KCNIP4: variants seen among roughly 807,000 people sequenced by gnomAD.
KCNIP4 encodes the protein Kv channel-interacting protein 4.
A neutral mutation model predicts 34.0 loss-of-function variants in KCNIP4; 12 were observed. The observed-to-expected ratio is 0.35, with a 90% confidence interval of 0.23 to 0.57. The LOEUF is 0.57. Among genes scored for constraint, KCNIP4 ranks in the 20% least tolerant of loss-of-function variants. The pLI is 0.83. For synonymous variants in KCNIP4, 124 were observed against 102.2 expected (o/e 1.21, Z -1.29); for missense variants, 238 against 311.7 (o/e 0.76, Z 1.78).
At chr4:21,720,521 GT>G (rs1167125424) in intron 1 of KCNIP4, among the ~76,000 whole-genome samples, 3 of 111,032 alleles carry the variant, frequency 2.7e-5, no homozygotes, top group African/African-American at 8.6e-5. Context: ...CCCCCATTCT[GT>G]TTTTTTTCTT....
intron 1 of KCNIP4, among the ~76,000 whole-genome samples, chr4:21,940,011 A>G (rs1730113748): frequency 6.6e-6 from 1 of 152,182 alleles, no homozygotes; most frequent in Non-Finnish European, 1.5e-5. Context: ...AAGAGACCTG[A>G]GCATTTTCAA....
chr4:21,799,544 A>T (rs1040055591), intron 1 of KCNIP4, among the ~76,000 whole-genome samples: 1 of 152,176 alleles, frequency 6.6e-6, no homozygotes, highest in Non-Finnish European at 1.5e-5. Context: ...GCACTCACTA[A>T]AATATTAATA....
chr4:21,340,017 A>G (rs1326370661), intron 1 of KCNIP4, among the ~76,000 whole-genome samples: 1 of 152,112 alleles, frequency 6.6e-6, no homozygotes, highest in African/African-American at 2.4e-5. Flanking sequence ...TATCTTTGTA[A>G]GGTGACTTAT....
chr4:21,413,885 C>A (rs1033875004), intron 1 of KCNIP4, among the ~76,000 whole-genome samples: 2 of 152,166 alleles, frequency 1.3e-5, no homozygotes, highest in Non-Finnish European at 2.9e-5. Context: ...AGTCTTTCCC[C>A]CAAACCACTT....
At chr4:21,219,277 C>T (rs1757822727) in intron 1 of KCNIP4, among the ~76,000 whole-genome samples, 1 of 152,122 alleles carries the variant, frequency 6.6e-6, no homozygotes, top group African/African-American at 2.4e-5. Context: ...GGGATAAACC[C>T]TTCCTGCAAG....
chr4:20,746,855 G>A (rs919126207), intron 5 of KCNIP4, among the ~76,000 whole-genome samples: 8 of 152,038 alleles, frequency 5.3e-5, no homozygotes, highest in African/African-American at 1.2e-4. Context: ...ACCCTTTATC[G>A]TAGAATCAGA....
intron 1 of KCNIP4, among the ~76,000 whole-genome samples, chr4:21,015,438 AAT>A (rs924489761): frequency 7.1e-5 from 10 of 141,620 alleles, no homozygotes; most frequent in Admixed American, 1.5e-4. Context: ...GGTTATATAT[AAT>A]ATATATATTA....
intron 1 of KCNIP4, among the ~76,000 whole-genome samples, chr4:21,513,732 T>C (rs1463044899): frequency 6.6e-6 from 1 of 152,220 alleles, no homozygotes; most frequent in Non-Finnish European, 1.5e-5. Flanking sequence ...CATTCTCTAT[T>C]AACTGCTCTT....
intron 1 of KCNIP4, among the ~76,000 whole-genome samples, chr4:20,920,992 CAAAAATAAA>C (rs1030835293): frequency 6.6e-6 from 1 of 151,634 alleles, no homozygotes; most frequent in African/African-American, 2.4e-5. Flanking sequence ...ATCTCAAAAA[CAAAAATAAA>C]ATAAATAAAA....
chr4:21,119,334 T>G (rs1254633478), intron 1 of KCNIP4, among the ~76,000 whole-genome samples: 1 of 151,606 alleles, frequency 6.6e-6, no homozygotes, highest in African/African-American at 2.4e-5. Flanking sequence ...CAGAAGTCAG[T>G]GCAGTGGCTA....
chr4:21,617,696 A>C (rs1206164591), intron 1 of KCNIP4, among the ~76,000 whole-genome samples: 1 of 152,202 alleles, frequency 6.6e-6, no homozygotes, highest in African/African-American at 2.4e-5. Context: ...GCTTCTGTGA[A>C]GTTGGGATTA....
chr4:20,879,935 A>T (rs151284082), intron 2 of KCNIP4, among the ~76,000 whole-genome samples: 1 of 152,212 alleles, frequency 6.6e-6, no homozygotes, highest in African/African-American at 2.4e-5. Flanking sequence ...TGCTATTTAT[A>T]TTGAGAGTGG....
chr4:20,762,040 C>T (rs74881013), intron 3 of KCNIP4, among the ~76,000 whole-genome samples: 2 of 152,166 alleles, frequency 1.3e-5, no homozygotes, highest in Non-Finnish European at 2.9e-5. Context: ...TTTGTTCAGG[C>T]TCCTTTAACA....
In KCNIP4 at chr4:21,383,755, C is replaced by T. The variant is rs183358978; in HGVS notation, c.62-501046G>A. Among the ~76,000 whole-genome samples, 367 of 152,182 alleles carry T rather than the reference C, an allele frequency of 2.4e-3. 1 individual carries two copies. Among genetic ancestry groups the T allele is most frequent in the African/African-American group, 7.9e-3 (329 of 41,496 alleles). ...CTGCTTCCATTCTCTGTCCCTACTA[C>T]GCTGTATCACCACAACACCCAGAGG... is the stretch of plus-strand genomic sequence containing the variant. On this transcript the variant is annotated intron_variant, in intron 1 of 8. Coordinates refer to ENST00000382152, the MANE Select transcript of KCNIP4 (RefSeq NM_025221.6).
chr4:21,554,211 T>TA (rs541733047), intron 1 of KCNIP4, among the ~76,000 whole-genome samples: 1 of 151,974 alleles, frequency 6.6e-6, no homozygotes, highest in Non-Finnish European at 1.5e-5. Flanking sequence ...GGACATGTGT[T>TA]AGAGGCAGAA....
chr4:20,812,614 C>G (rs1715905167), intron 3 of KCNIP4, among the ~76,000 whole-genome samples: 1 of 152,174 alleles, frequency 6.6e-6, no homozygotes, highest in African/African-American at 2.4e-5. Context: ...CACGGCATAG[C>G]TATCCCATTC....
intron 1 of KCNIP4, among the ~76,000 whole-genome samples, chr4:21,083,313 C>A (rs1052320416): frequency 6.6e-6 from 1 of 151,504 alleles, no homozygotes; most frequent in African/African-American, 2.4e-5. Context: ...CAGAAAATGA[C>A]TAGACTTTAC....
intron 1 of KCNIP4, among the ~76,000 whole-genome samples, chr4:20,896,932 G>A (rs1168102699): frequency 1.3e-5 from 2 of 151,692 alleles, no homozygotes; most frequent in African/African-American, 4.9e-5. Context: ...ATTAGTACTG[G>A]TATTTTTTTT....
At chr4:21,204,023 G>A (rs866520016) in intron 1 of KCNIP4, among the ~76,000 whole-genome samples, 7 of 152,140 alleles carry the variant, frequency 4.6e-5, no homozygotes, top group Non-Finnish European at 7.3e-5. Flanking sequence ...TATGCTCATC[G>A]CTGGGTTGGT....
Sources: allele counts gnomAD v4.1 joint callset (sites outside exome capture counted in the v4.1 genomes callset), GRCh38; gene constraint gnomAD v4.1.1; transcripts MANE v1.5; gene names NCBI Gene and HGNC (gene_info 2026-07-23, HGNC 2026-07-21).